POR: variants seen among roughly 807,000 people sequenced by gnomAD.
The protein encoded by POR is cytochrome p450 oxidoreductase, also known as NADPH--cytochrome P450 reductase.
In POR, 56 loss-of-function variants were observed where a neutral mutation model predicts 84.0. The ratio of observed to expected loss-of-function variants is 0.67; its 90% confidence interval spans 0.54 to 0.83. POR has a LOEUF of 0.83. POR is among the 40% of genes least tolerant of loss of function. The pLI is 0.00. For synonymous variants in POR, 414 were observed against 400.5 expected, an observed-to-expected ratio of 1.03 and a Z score of -0.40; for missense variants, 938 against 944.3, an observed-to-expected ratio of 0.99 and a Z score of 0.09.
At chr7:75,938,684 A>G (rs1233130366) in intron 1 of POR, among the ~76,000 whole-genome samples, 5 of 152,176 alleles carry the variant, frequency 3.3e-5, no homozygotes, top group African/African-American at 9.6e-5. Flanking sequence ...GCTTGAGCCC[A>G]GGAGTTAGAG....
chr7:75,967,629 C>T (rs1199307601), intron 2 of POR, among the ~76,000 whole-genome samples: 10 of 149,894 alleles, frequency 6.7e-5, no homozygotes, highest in East Asian at 5.9e-4. Flanking sequence ...AGCTTTGTTC[C>T]GCAGACATGA....
chr7:75,951,716 C>T (rs1787430597), intron 1 of POR, among the ~76,000 whole-genome samples: 1 of 152,240 alleles, frequency 6.6e-6, no homozygotes, highest in Non-Finnish European at 1.5e-5. Flanking sequence ...GTGAAAAACC[C>T]AGTCGGTCAT....
Position 75,986,778 on chromosome 7 carries a change from C to A in POR, c.*297C>A. 1 of 581,582 alleles carries A rather than the reference C, an allele frequency of 1.7e-6. No homozygotes were observed. Among genetic ancestry groups the A allele is most frequent in the Non-Finnish European group, 3.0e-6 (1 of 328,902 alleles). 36.0% of individuals were successfully genotyped at this position (581,582 alleles called of 1,614,324 possible). ...TTTCTCTCTGCTGAGCTGGGCCCAG[C>A]CCCTCCACGTGATTTCCAGTGAGTG... On this transcript the variant is annotated 3_prime_UTR_variant, in exon 16 of 16. Transcript: ENST00000461988.
intron 1 of POR, among the ~76,000 whole-genome samples, chr7:75,938,051 C>T (rs959279407): frequency 4.6e-5 from 7 of 152,296 alleles, no homozygotes; most frequent in East Asian, 1.9e-4. Flanking sequence ...CTGGTCAGTT[C>T]GATTTGTGCT....
rs1180411204 is a variant in POR, at chr7:75,920,213, G to A, written c.-5+5034G>A. ...CCCAAGTAGCTGGGATTACAGGCGCGTGCCATCACGCCCGGCTAATTTTTT... is the reference window on the plus strand; with the variant it reads ...CCCAAGTAGCTGGGATTACAGGCGCATGCCATCACGCCCGGCTAATTTTTT... On this transcript the variant is annotated intron_variant, in intron 1 of 15. Coordinates refer to ENST00000461988, the MANE Select transcript of POR (RefSeq NM_000941.3). Among the ~76,000 whole-genome samples, 6 of 151,740 alleles carry A rather than the reference G, an allele frequency of 4.0e-5. No individual in the cohort carries two copies. The East Asian group carries it at 5.8e-4, about 15-fold the overall frequency.
intron 2 of POR, among the ~76,000 whole-genome samples, chr7:75,965,788 G>A (rs1180869231): frequency 1.3e-5 from 2 of 152,166 alleles, no homozygotes; most frequent in Non-Finnish European, 2.9e-5. Context: ...GAGTCCTGAT[G>A]TGAACACGTG....
rs782484079 is a variant in POR, at chr7:75,980,605, A to G, written c.516+117A>G. On this transcript the variant is annotated intron_variant, in intron 5 of 15. Coordinates refer to ENST00000461988, the MANE Select transcript of POR (RefSeq NM_000941.3). ...GACCCCCACCCTGTCCTCAGCAGCC[A>G]GGGCAGGCCACTTGTGAGACCCTCT... 5 of 1,600,724 alleles carry G rather than the reference A, an allele frequency of 3.1e-6. No homozygotes were observed. The South Asian group carries it at 5.6e-5, about 18-fold the overall frequency.
intron 2 of POR, chr7:75,968,313 G>GC (rs1563422520): frequency 2.1e-6 from 1 of 467,382 alleles, no homozygotes; most frequent in Non-Finnish European, 4.4e-6. Flanking sequence ...CCTGTCTCTG[G>GC]CGAGGGACTC....
intron 10 of POR, among the ~76,000 whole-genome samples, chr7:75,984,410 C>T (rs1789278983): frequency 6.6e-6 from 1 of 152,218 alleles, no homozygotes; most frequent in Non-Finnish European, 1.5e-5. Context: ...CTTGCCGGTC[C>T]TCAGCTGCCA....
rs869164954 is a variant in POR at position 75,936,086 on chromosome 7, CTTTTT to C, written c.-4-17884_-4-17880del. 5.6e-3 allele frequency among the ~76,000 whole-genome samples: 558 copies of C among 99,736 alleles called. 5 individuals are homozygous for C. Among genetic ancestry groups the C allele is most frequent in the Middle Eastern group, 0.044 (7 of 158 alleles). 65.4% of individuals were successfully genotyped at this position (99,736 alleles called of 152,430 possible). A position where few individuals can be genotyped will look rare whatever the true frequency, so the allele number is the denominator to read the frequency against. On this transcript the variant is annotated intron_variant, in intron 1 of 15. Transcript: ENST00000461988. Reference sequence around the variant, plus strand: ...CAGTGTCTTTACTGTTTCTTTCTTTCTTTTTTTTTTTTTTTTTTTTTTTGAGAGAT... The same window carrying C: ...CAGTGTCTTTACTGTTTCTTTCTTTCTTTTTTTTTTTTTTTTTTGAGAGAT...
intron 2 of POR, among the ~76,000 whole-genome samples, chr7:75,960,783 G>T (rs1055474840): frequency 2.0e-5 from 3 of 152,196 alleles, no homozygotes; most frequent in African/African-American, 4.8e-5. Context: ...GTGCGGGGCC[G>T]CCTGTCGGAG....
intron 1 of POR, among the ~76,000 whole-genome samples, chr7:75,952,745 C>A (rs1455010012): frequency 6.6e-6 from 1 of 151,808 alleles, no homozygotes; most frequent in Non-Finnish European, 1.5e-5. Flanking sequence ...AGAGACGCTC[C>A]TCACTTCCTA....
In POR at chr7:75,986,784, C is replaced by A. The variant is rs533934324; in HGVS notation, c.*303C>A. 1.7e-6 allele frequency: 1 copy of A among 580,436 alleles called. No individual in the cohort carries two copies. The highest frequency in any genetic ancestry group is 2.8e-5 in the East Asian group (1 of 35,554). 36.0% of individuals were successfully genotyped at this position (580,436 alleles called of 1,614,324 possible). A position where few individuals can be genotyped will look rare whatever the true frequency, so the allele number is the denominator to read the frequency against. On this transcript the variant is annotated 3_prime_UTR_variant, in exon 16 of 16. Coordinates refer to ENST00000461988, the MANE Select transcript of POR (RefSeq NM_000941.3). ...TCTGCTGAGCTGGGCCCAGCCCCTC[C>A]ACGTGATTTCCAGTGAGTGTAAATA...
intron 8 of POR, among the ~76,000 whole-genome samples, chr7:75,982,697 T>C (rs1385349696): frequency 6.6e-6 from 1 of 152,256 alleles, no homozygotes; most frequent in Non-Finnish European, 1.5e-5. Flanking sequence ...GTGCCCTTGA[T>C]GGCCCCTGGT....
chr7:75,955,151 C>T (rs1554553579), intron 2 of POR, among the ~76,000 whole-genome samples: 1 of 152,164 alleles, frequency 6.6e-6, no homozygotes, highest in East Asian at 1.9e-4. Context: ...CTAGAATTGG[C>T]ATTTTAAAGT....
chr7:75,979,459 C>T lies in POR; in HGVS notation c.246C>T (p.Asn82=), dbSNP rs1585126959. The change falls in exon 4 of 16, where the codon AAC becomes AAT. Residue 82 remains asparagine, a synonymous_variant. Coordinates refer to ENST00000461988, the MANE Select transcript of POR (RefSeq NM_000941.3). ...GTGTCTGCCTTCCTTAGGGGAGGAA[C>T]ATCATCGTGTTCTACGGCTCCCAGA... The T allele has an allele frequency of 6.2e-7, 1 of 1,613,194 alleles. No homozygotes were observed. Among genetic ancestry groups the T allele is most frequent in the Admixed American group, 1.7e-5 (1 of 59,964 alleles).
intron 8 of POR, 130 bp downstream of exon 8, chr7:75,982,452 G>A: frequency 9.4e-6 from 7 of 746,410 alleles, no homozygotes; most frequent in Non-Finnish European, 1.6e-5. Flanking sequence ...GAGTGGGTGT[G>A]AGTGTCCACG....
At position 75,979,595 on chromosome 7, in the gene POR, G is replaced by T. The variant is rs782083860; in HGVS notation, c.366+16G>T. ...GTATGACCTGGTAAGCTGCCACCGC[G>T]TGCTGGCCCCAGATGGAGGCAGTGG... On this transcript the variant is annotated intron_variant, in intron 4 of 15. Coordinates refer to ENST00000461988, the MANE Select transcript of POR (RefSeq NM_000941.3). 6.2e-7 allele frequency: 1 copy of T among 1,612,254 alleles called. No individual in the cohort carries two copies. The highest frequency in any genetic ancestry group is 1.1e-5 in the South Asian group (1 of 91,050).
chr7:75,920,701 A>C (rs1252418763), intron 1 of POR, among the ~76,000 whole-genome samples: 3 of 152,080 alleles, frequency 2.0e-5, no homozygotes, highest in Non-Finnish European at 4.4e-5. Flanking sequence ...TCATCAGTGC[A>C]TTGGGTAAGC....
Sources: allele counts gnomAD v4.1 joint callset (sites outside exome capture counted in the v4.1 genomes callset), GRCh38; gene constraint gnomAD v4.1.1; transcripts MANE v1.5; gene names NCBI Gene and HGNC (gene_info 2026-07-23, HGNC 2026-07-21).